The following AHCYL2 variants were observed in gnomAD, a reference collection of about 807,000 sequenced individuals.
The protein encoded by AHCYL2 is S-adenosylhomocysteine hydrolase-like protein 2.
AHCYL2 carries 28 observed loss-of-function variants against 81.4 expected under a neutral mutation model. The ratio of observed to expected loss-of-function variants is 0.34; its 90% CI spans 0.25 to 0.47. The LOEUF (loss-of-function observed/expected upper bound fraction) is 0.47, where lower values mean the gene tolerates loss of function less well. Among genes scored for constraint, AHCYL2 ranks in the 20% least tolerant of loss-of-function variants. The pLI is 1.00. For synonymous variants in AHCYL2, 272 were observed against 290.2 expected (o/e 0.94, Z 0.64); for missense variants, 551 against 785.1 (o/e 0.70, Z 3.56).
intron 12 of AHCYL2, among the ~76,000 whole-genome samples, chr7:129,417,856 C>T (rs1213621456): frequency 1.3e-5 from 2 of 152,126 alleles, no homozygotes; most frequent in African/African-American, 2.4e-5. Flanking sequence ...TCTCAGGGAG[C>T]ATATATTCTA....
At chr7:129,343,767 A>G (rs1359614267) in intron 1 of AHCYL2, among the ~76,000 whole-genome samples, 1 of 152,220 alleles carries the variant, frequency 6.6e-6, no homozygotes, top group Non-Finnish European at 1.5e-5. Flanking sequence ...TTCTTTGCAC[A>G]CAAAAAATAC....
intron 6 of AHCYL2, 64 bp from the exon 7 acceptor site, chr7:129,403,315 G>C (rs1254396690): frequency 9.2e-7 from 1 of 1,084,928 alleles, no homozygotes; most frequent in African/African-American, 1.6e-5. Flanking sequence ...GCAAGACCCA[G>C]AGAAGCACTG....
At chr7:129,320,581 G>T (rs1017389742) in intron 1 of AHCYL2, among the ~76,000 whole-genome samples, 2 of 152,068 alleles carry the variant, frequency 1.3e-5, no homozygotes, top group Non-Finnish European at 2.9e-5. Flanking sequence ...CAAAGTCTTG[G>T]GATTACAGGC....
At chr7:129,362,597 G>GTTTTTTTTTTTT (rs769346623) in intron 1 of AHCYL2, among the ~76,000 whole-genome samples, 17 of 63,646 alleles carry the variant, frequency 2.7e-4, no homozygotes, top group Admixed American at 6.4e-4. Flanking sequence ...TGGTTTTCTT[G>GTTTTTTTTTTTT]TTTTTTTTTT....
chr7:129,376,447 C>T (rs1197562378), intron 1 of AHCYL2, among the ~76,000 whole-genome samples: 1 of 152,158 alleles, frequency 6.6e-6, no homozygotes, highest in African/African-American at 2.4e-5. Flanking sequence ...TTTTAGAACC[C>T]TATGTTCTAA....
chr7:129,400,797 A>G (rs906642598), intron 6 of AHCYL2, among the ~76,000 whole-genome samples: 2 of 152,102 alleles, frequency 1.3e-5, no homozygotes, highest in Non-Finnish European at 2.9e-5. Flanking sequence ...GAATCCATAT[A>G]CTTGTAATGT....
chr7:129,381,605 C>G (rs1026437548), intron 2 of AHCYL2, among the ~76,000 whole-genome samples: 7 of 152,214 alleles, frequency 4.6e-5, no homozygotes, highest in Non-Finnish European at 8.8e-5. Context: ...CTGCTTCCCT[C>G]TAATTGCTGA....
chr7:129,294,549 C>T (rs898341626), intron 1 of AHCYL2, among the ~76,000 whole-genome samples: 2 of 152,122 alleles, frequency 1.3e-5, no homozygotes, highest in African/African-American at 2.4e-5. Context: ...ATCAATTTAC[C>T]ATAAGTCACA....
intron 1 of AHCYL2, among the ~76,000 whole-genome samples, chr7:129,357,433 A>T (rs1793769671): frequency 6.6e-6 from 1 of 152,188 alleles, no homozygotes; most frequent in African/African-American, 2.4e-5. Context: ...TTCAAAAGAA[A>T]ATGTTTTTTA....
intron 7 of AHCYL2, among the ~76,000 whole-genome samples, chr7:129,404,598 C>T (rs923645696): frequency 1.3e-5 from 2 of 152,140 alleles, no homozygotes; most frequent in African/African-American, 4.8e-5. Flanking sequence ...TCGCTTGAAC[C>T]CTGGAGGCAG....
At chr7:129,275,212 A>G (rs535012506) in intron 1 of AHCYL2, among the ~76,000 whole-genome samples, 18 of 151,902 alleles carry the variant, frequency 1.2e-4, no homozygotes, top group East Asian at 1.9e-4. Context: ...TTGAAACCCA[A>G]TCTCTACTAA....
At chr7:129,325,136 A>T (rs769460262) in intron 1 of AHCYL2, among the ~76,000 whole-genome samples, 1 of 152,024 alleles carries the variant, frequency 6.6e-6, no homozygotes, top group Non-Finnish European at 1.5e-5. Flanking sequence ...TTTTGTGTAG[A>T]TCTGTCTTTC....
At chr7:129,377,521 A>G (rs1469264526) in intron 1 of AHCYL2, 1 of 456,650 alleles carries the variant, frequency 2.2e-6, no homozygotes, top group South Asian at 1.5e-5. Context: ...CAAGTGACTC[A>G]TTAGTTACCT....
At chr7:129,388,388 C>T (rs1002301971) in intron 2 of AHCYL2, 3 of 152,190 alleles carry the variant, frequency 2.0e-5, no homozygotes, top group African/African-American at 7.2e-5. Flanking sequence ...GATTAGTTAT[C>T]AGAGCATTTT....
intron 4 of AHCYL2, among the ~76,000 whole-genome samples, chr7:129,396,147 G>A (rs1795727873): frequency 6.6e-6 from 1 of 152,160 alleles, no homozygotes; most frequent in Admixed American, 6.5e-5. Context: ...TTTTGAGACG[G>A]AGTCTTGCTC....
At chr7:129,300,054 A>G (rs955843514) in intron 1 of AHCYL2, among the ~76,000 whole-genome samples, 4 of 152,184 alleles carry the variant, frequency 2.6e-5, no homozygotes, top group Non-Finnish European at 5.9e-5. Context: ...TATGGAGTTT[A>G]TGGAATATTT....
intron 1 of AHCYL2, among the ~76,000 whole-genome samples, chr7:129,241,252 T>C (rs1465856559): frequency 6.6e-6 from 1 of 152,218 alleles, no homozygotes; most frequent in Non-Finnish European, 1.5e-5. Context: ...CTATTTTCTC[T>C]TGTTGCCTGG....
chr7:129,346,585 C>G (rs746485089), intron 1 of AHCYL2, among the ~76,000 whole-genome samples: 3 of 151,980 alleles, frequency 2.0e-5, no homozygotes, highest in Non-Finnish European at 2.9e-5. Context: ...TTTGAAATAC[C>G]ACTACTCATC....
At chr7:129,233,597 C>G (rs907405980) in intron 1 of AHCYL2, among the ~76,000 whole-genome samples, 2 of 152,144 alleles carry the variant, frequency 1.3e-5, no homozygotes, top group African/African-American at 4.8e-5. Flanking sequence ...AAGCGATTCT[C>G]CTGCCTCAGC....
Sources: gnomAD v4.1 joint callset for allele counts (sites outside exome capture counted in the v4.1 genomes callset) on GRCh38, gnomAD v4.1.1 for gene constraint, MANE v1.5 for transcripts, NCBI Gene and HGNC (gene_info 2026-07-23, HGNC 2026-07-21) for gene names.